Variants in ANKFN1 observed in about 807,000 individuals in gnomAD.
ANKFN1 encodes ankyrin repeat and fibronectin type-III domain-containing protein 1.
A neutral mutation model predicts 108.7 loss-of-function variants in ANKFN1; 74 were observed. That is an observed-to-expected ratio of 0.68 (90% CI 0.56 to 0.83). The LOEUF is 0.83. ANKFN1 is among the 40% of genes least tolerant of loss of function. The probability of loss-of-function intolerance (pLI) is 0.00; values close to 1 mark genes in which losing one functional copy is unlikely to be tolerated. For synonymous variants in ANKFN1, 547 were observed against 516.2 expected (o/e 1.06, Z -0.81); for missense variants, 1,505 against 1,382.3 (o/e 1.09, Z -1.41).
chr17:56,201,774 A>C (rs1914081833), intron 1 of ANKFN1, among the ~76,000 whole-genome samples: 1 of 152,158 alleles, frequency 6.6e-6, no homozygotes, highest in African/African-American at 2.4e-5. Context: ...GGGAAAGACT[A>C]CTCTAGCGTT....
chr17:56,262,496 T>C (rs1478898159), intron 3 of ANKFN1, among the ~76,000 whole-genome samples: 1 of 152,202 alleles, frequency 6.6e-6, no homozygotes, highest in Admixed American at 6.5e-5. Context: ...GAGGGATTAT[T>C]TGGAGATTTA....
At chr17:56,099,767 C>T (rs1022802704) in intron 4 of ANKFN1, among the ~76,000 whole-genome samples, 1 of 152,134 alleles carries the variant, frequency 6.6e-6, no homozygotes, top group East Asian at 1.9e-4. Flanking sequence ...TCTGCATGGC[C>T]GGAGGGTAGG....
rs140263201 is a variant in ANKFN1, at chr17:56,515,694, G to C, written c.*4425G>C. Among the ~76,000 whole-genome samples the C allele has an allele frequency of 2.7e-3, 413 of 152,288 alleles. 1 individual carries two copies. The highest frequency in any genetic ancestry group is 3.2e-3 in the Non-Finnish European group (218 of 68,004). ...TGTTGAACTTTGCCATTAGCAAAAA[G>C]TATTTTTAGAAAAATCCATTGACTG... On this transcript the variant is annotated 3_prime_UTR_variant, in exon 21 of 21. Transcript: ENST00000682825.
chr17:56,351,227 A>G (rs2046239569), intron 5 of ANKFN1, among the ~76,000 whole-genome samples: 1 of 152,048 alleles, frequency 6.6e-6, no homozygotes, highest in Non-Finnish European at 1.5e-5. Flanking sequence ...CCAAAAAATA[A>G]ATAAACCTCA....
intron 6 of ANKFN1, among the ~76,000 whole-genome samples, chr17:56,371,093 A>G (rs2046800437): frequency 6.6e-6 from 1 of 152,088 alleles, no homozygotes; most frequent in South Asian, 2.1e-4. Flanking sequence ...AGAGTTTTTT[A>G]GCTTTATATT....
intron 6 of ANKFN1, 84 bp from the exon 7 acceptor site, chr17:56,372,562 A>G (rs1419825058): frequency 2.4e-6 from 3 of 1,234,996 alleles, no homozygotes; most frequent in Non-Finnish European, 3.4e-6. Flanking sequence ...TTTTCAAATC[A>G]TAGTAAACTC....
chr17:56,189,031 G>A (rs1045613245), intron 1 of ANKFN1, among the ~76,000 whole-genome samples: 2 of 151,862 alleles, frequency 1.3e-5, no homozygotes, highest in African/African-American at 4.8e-5. Flanking sequence ...GTACTGGGAG[G>A]GTGGTGCATC....
At chr17:56,296,241 T>C (rs2044506356) in intron 3 of ANKFN1, among the ~76,000 whole-genome samples, 1 of 152,114 alleles carries the variant, frequency 6.6e-6, no homozygotes, top group Non-Finnish European at 1.5e-5. Flanking sequence ...CAGAGAACAT[T>C]CTATTGACTA....
intron 1 of ANKFN1, among the ~76,000 whole-genome samples, chr17:56,182,422 G>A (rs977201297): frequency 1.3e-5 from 2 of 152,174 alleles, no homozygotes; most frequent in African/African-American, 2.4e-5. Context: ...TATGGAGAAG[G>A]TTTTAGTGGT....
intron 8 of ANKFN1, among the ~76,000 whole-genome samples, chr17:56,434,274 T>A (rs1030035319): frequency 2.0e-5 from 3 of 152,004 alleles, no homozygotes; most frequent in African/African-American, 7.2e-5. Context: ...ATATTATTTT[T>A]GTGGATGGCA....
At chr17:56,280,342 G>C (rs2044046057) in intron 3 of ANKFN1, among the ~76,000 whole-genome samples, 1 of 152,152 alleles carries the variant, frequency 6.6e-6, no homozygotes, top group African/African-American at 2.4e-5. Flanking sequence ...AGAATAAAAA[G>C]GCAGAGGAAG....
At chr17:56,324,531 C>T (rs989201472) in intron 3 of ANKFN1, among the ~76,000 whole-genome samples, 2 of 152,124 alleles carry the variant, frequency 1.3e-5, no homozygotes, top group African/African-American at 4.8e-5. Flanking sequence ...AGTCACCTAG[C>T]TTACCACAGC....
intron 3 of ANKFN1, among the ~76,000 whole-genome samples, chr17:56,242,848 C>T (rs1917688757): frequency 6.6e-6 from 1 of 151,714 alleles, no homozygotes; most frequent in South Asian, 2.1e-4. Context: ...CTTCTCATTC[C>T]TTGTTTACTA....
chr17:56,298,522 A>G (rs927960052), intron 3 of ANKFN1, among the ~76,000 whole-genome samples: 2 of 152,104 alleles, frequency 1.3e-5, no homozygotes, highest in Admixed American at 6.5e-5. Flanking sequence ...TTCCTTGATG[A>G]ATTTTCTCAG....
At chr17:56,330,727 A>G (rs1444640728) in intron 4 of ANKFN1, among the ~76,000 whole-genome samples, 1 of 152,122 alleles carries the variant, frequency 6.6e-6, no homozygotes, top group African/African-American at 2.4e-5. Flanking sequence ...ATACTATCTT[A>G]CTTACTTTTT....
In ANKFN1 at chr17:56,449,135, GA is replaced by G. The variant is rs780849445; in HGVS notation, c.1158del (p.Gly387ValfsTer34). On this transcript the variant is annotated frameshift_variant, in exon 11 of 21. Coordinates refer to ENST00000682825, the MANE Select transcript of ANKFN1 (RefSeq NM_001370326.1). LOFTEE classifies it high-confidence loss of function. ...PRHKGQSEVL[E>X]GLLQQVRALH... ...ACACAAGGGACAGAGTGAAGTTTTG[GA>G]AGGTCTGCTGCAGCAGGTCCGAGCC... The G allele has an allele frequency of 9.3e-6, 15 of 1,613,656 alleles. No homozygotes were observed. The highest frequency in any genetic ancestry group is 1.3e-5 in the Non-Finnish European group (15 of 1,179,706).
intron 1 of ANKFN1, among the ~76,000 whole-genome samples, chr17:56,207,256 G>T (rs1914617900): frequency 6.6e-6 from 1 of 152,186 alleles, no homozygotes; most frequent in South Asian, 2.1e-4. Context: ...CAAACTGCTT[G>T]CAGACCTATT....
At chr17:56,345,789 A>C (rs2046083906) in intron 4 of ANKFN1, among the ~76,000 whole-genome samples, 1 of 151,890 alleles carries the variant, frequency 6.6e-6, no homozygotes, top group African/African-American at 2.4e-5. Flanking sequence ...TGGATATTAG[A>C]CCTTTGTCAG....
chr17:56,375,775 G>A (rs961878652), intron 8 of ANKFN1, among the ~76,000 whole-genome samples: 4 of 152,154 alleles, frequency 2.6e-5, no homozygotes, highest in Admixed American at 6.5e-5. Flanking sequence ...TAATGCTTAC[G>A]TAGCACCGAC....
Sources: allele counts gnomAD v4.1 joint callset (sites outside exome capture counted in the v4.1 genomes callset), GRCh38; gene constraint gnomAD v4.1.1; transcripts MANE v1.5; gene names NCBI Gene and HGNC (gene_info 2026-07-23, HGNC 2026-07-21).